Variants in DOCK7 observed in about 807,000 individuals in gnomAD.
DOCK7 encodes dedicator of cytokinesis protein 7.
DOCK7 carries 138 observed loss-of-function variants against 271.0 expected under a neutral mutation model. The ratio of observed to expected loss-of-function variants is 0.51; its 90% confidence interval spans 0.44 to 0.59. The LOEUF (loss-of-function observed/expected upper bound fraction) is 0.59. Among genes scored for constraint, DOCK7 ranks in the 20% least tolerant of loss-of-function variants. The pLI, the probability that DOCK7 is intolerant of heterozygous loss-of-function variation, is 0.00. For missense variants in DOCK7, 2,066 were observed against 2,592.4 expected (o/e 0.80, Z 4.41); for synonymous variants, 823 against 876.1 (o/e 0.94, Z 1.07).
chr1:62,666,365 T>TA (rs374707733), intron 1 of DOCK7, among the ~76,000 whole-genome samples: 4 of 152,244 alleles, frequency 2.6e-5, no homozygotes, highest in African/African-American at 9.6e-5. Context: ...ATAACAGACA[T>TA]AAAAACGATA....
At chr1:62,654,269 C>G in intron 2 of DOCK7, 110 bp from the exon 3 acceptor site, 1 of 1,089,830 alleles carries the variant, frequency 9.2e-7, no homozygotes. Flanking sequence ...TAATCTAGTT[C>G]TTTCTAAAAT....
At chr1:62,638,915 CTTTT>C (rs557402584) in intron 7 of DOCK7, among the ~76,000 whole-genome samples, 12 of 150,034 alleles carry the variant, frequency 8.0e-5, no homozygotes, top group Admixed American at 5.3e-4. Flanking sequence ...TTTTTTAGCT[CTTTT>C]TTTTTAGTTG....
At chr1:62,496,589 A>C in intron 37 of DOCK7, 92 bp from the exon 38 acceptor site, 1 of 1,223,364 alleles carries the variant, frequency 8.2e-7, no homozygotes, top group Non-Finnish European at 1.1e-6. Context: ...TTTAGTGAAA[A>C]AATACCATTC....
At chr1:62,681,990 G>T (rs537760592) in intron 1 of DOCK7, among the ~76,000 whole-genome samples, 2 of 152,096 alleles carry the variant, frequency 1.3e-5, no homozygotes, top group South Asian at 4.2e-4. Context: ...ATGGTGGACT[G>T]GAGTAGTCTT....
chr1:62,522,031 A>AC (rs1644868753), intron 31 of DOCK7, among the ~76,000 whole-genome samples: 1 of 152,082 alleles, frequency 6.6e-6, no homozygotes, highest in African/African-American at 2.4e-5. Context: ...GTAAGAAGAA[A>AC]CAAAAAACTT....
chr1:62,630,538 G>A (rs952790834), intron 11 of DOCK7, among the ~76,000 whole-genome samples: 20 of 151,960 alleles, frequency 1.3e-4, no homozygotes, highest in African/African-American at 4.4e-4. Context: ...GTTACCTTAC[G>A]CTGCTACCAC....
chr1:62,548,264 C>G (rs763802921), intron 22 of DOCK7, among the ~76,000 whole-genome samples: 1 of 151,138 alleles, frequency 6.6e-6, no homozygotes, highest in Non-Finnish European at 1.5e-5. Context: ...AGGCTGAGGA[C>G]ACAGCCACTG....
intron 31 of DOCK7, among the ~76,000 whole-genome samples, chr1:62,525,907 A>G (rs1364645334): frequency 1.3e-5 from 2 of 152,236 alleles, no homozygotes; most frequent in African/African-American, 4.8e-5. Context: ...TCCAGAATAC[A>G]TAAAGAACTC....
chr1:62,585,153 A>C (rs1647347870), intron 15 of DOCK7, among the ~76,000 whole-genome samples: 1 of 152,208 alleles, frequency 6.6e-6, no homozygotes, highest in Non-Finnish European at 1.5e-5. Flanking sequence ...ACAAATATTT[A>C]TTCAGTATGT....
At chr1:62,688,167 G>C in intron 1 of DOCK7, 60 bp downstream of exon 1, 1 of 1,327,268 alleles carries the variant, frequency 7.5e-7, no homozygotes, top group Non-Finnish European at 9.7e-7. Flanking sequence ...CCAGGCCTGG[G>C]AGGACTCCGC....
intron 14 of DOCK7, chr1:62,609,049 CTGAG>C (rs1349714613): frequency 1.3e-5 from 2 of 152,114 alleles, no homozygotes; most frequent in Admixed American, 6.6e-5. Flanking sequence ...GTATGTACTA[CTGAG>C]TGATTATCAA....
At chr1:62,634,319 CA>C (rs1287769626) in intron 9 of DOCK7, 1 of 145,582 alleles carries the variant, frequency 6.9e-6, no homozygotes, top group Admixed American at 6.9e-5. Context: ...ATTAAGATGT[CA>C]AAACTACCCA....
chr1:62,470,218 G>A (rs1645792777), intron 48 of DOCK7, among the ~76,000 whole-genome samples: 1 of 152,074 alleles, frequency 6.6e-6, no homozygotes, highest in Admixed American at 6.6e-5. Context: ...TACATACGAT[G>A]GAATATTACT....
chr1:62,590,555 C>T (rs74669641), intron 14 of DOCK7, among the ~76,000 whole-genome samples: 1 of 152,074 alleles, frequency 6.6e-6, no homozygotes, highest in African/African-American at 2.4e-5. Flanking sequence ...CTTCATAGAA[C>T]TCGTGGTCTA....
chr1:62,603,086 C>A lies in DOCK7; in HGVS notation c.1682+15620G>T, dbSNP rs565555348. Among the ~76,000 whole-genome samples, 268 of 151,728 alleles carry A rather than the reference C, an allele frequency of 1.8e-3. 2 individuals are homozygous for A. Among genetic ancestry groups the A allele is most frequent in the African/African-American group, 5.9e-3 (243 of 41,508 alleles). Reference sequence around the variant, plus strand: ...ATTTAAAAATTTTGTATTCAAACTACCAGTGAAAGCCCTACCTAGAAGGTA... The same window carrying A: ...ATTTAAAAATTTTGTATTCAAACTAACAGTGAAAGCCCTACCTAGAAGGTA... On this transcript the variant is annotated intron_variant, in intron 14 of 49. Transcript: ENST00000635253.
At chr1:62,524,002 T>C (rs1644927662) in intron 31 of DOCK7, among the ~76,000 whole-genome samples, 1 of 151,884 alleles carries the variant, frequency 6.6e-6, no homozygotes, top group African/African-American at 2.4e-5. Context: ...ATGGACTTGA[T>C]CTAGAACATA....
At chr1:62,600,625 T>G (rs1257882592) in intron 14 of DOCK7, among the ~76,000 whole-genome samples, 2 of 151,816 alleles carry the variant, frequency 1.3e-5, no homozygotes, top group Non-Finnish European at 3.0e-5. Flanking sequence ...ACAGATATGT[T>G]TACAGGTCAA....
intron 18 of DOCK7, among the ~76,000 whole-genome samples, chr1:62,571,216 AC>A (rs1257950038): frequency 6.6e-6 from 1 of 152,230 alleles, no homozygotes; most frequent in Non-Finnish European, 1.5e-5. Context: ...CAAGAAAAAA[AC>A]AACCCCATTA....
At chr1:62,640,295 C>T (rs889174154) in intron 7 of DOCK7, among the ~76,000 whole-genome samples, 1 of 151,942 alleles carries the variant, frequency 6.6e-6, no homozygotes, top group Admixed American at 6.6e-5. Context: ...AGGTGGATCA[C>T]GAGATCAAGA....
Sources: allele counts gnomAD v4.1 joint callset (sites outside exome capture counted in the v4.1 genomes callset), GRCh38; gene constraint gnomAD v4.1.1; transcripts MANE v1.5; gene names NCBI Gene and HGNC (gene_info 2026-07-23, HGNC 2026-07-21).